The following LRRC49 variants were observed in gnomAD, a reference collection of about 807,000 sequenced individuals.
The protein encoded by LRRC49 is leucine rich repeat containing 49, also known as leucine-rich repeat-containing protein 49.
Under a neutral mutation model 83.3 loss-of-function variants are expected in LRRC49, and 50 were observed. The ratio of observed to expected loss-of-function variants is 0.60; its 90% CI spans 0.48 to 0.76. The LOEUF (loss-of-function observed/expected upper bound fraction) is 0.76. Ranked by LOEUF, LRRC49 falls within the 30% of genes least tolerant of loss-of-function variation. LRRC49 has a pLI of 0.00. For missense variants in LRRC49, 704 were observed against 809.1 expected, an observed-to-expected ratio of 0.87 and a Z score of 1.58; for synonymous variants, 286 against 283.3, an observed-to-expected ratio of 1.01 and a Z score of -0.10.
intron 8 of LRRC49, among the ~76,000 whole-genome samples, chr15:70,949,889 G>C (rs1478907155): frequency 5.3e-5 from 8 of 152,074 alleles, no homozygotes; most frequent in Admixed American, 1.3e-4. Context: ...CTGAGGCTTG[G>C]TATATGAATG....
At position 71,022,582 on chromosome 15, in the gene LRRC49, A is replaced by C. The variant is rs1235342139; in HGVS notation, c.1703+9669A>C. 6.6e-5 allele frequency among the ~76,000 whole-genome samples: 10 copies of C among 152,348 alleles called. 1 individual carries two copies. In the East Asian group the frequency reaches 1.9e-3, roughly 29 times the overall value. On this transcript the variant is annotated intron_variant, in intron 14 of 15. Transcript: ENST00000260382. ...CTCAATAGACTTGAAAGTTGAAAGT[A>C]ATACTAGAAATAAAAAGGATCATTT...
intron 1 of LRRC49, chr15:70,853,963 GC>G: frequency 6.9e-7 from 1 of 1,455,602 alleles, no homozygotes; most frequent in Non-Finnish European, 9.1e-7. Context: ...GGTCCCCGGC[GC>G]CCCGAGTCTC....
At chr15:70,912,664 AT>A (rs1321444804) in intron 6 of LRRC49, among the ~76,000 whole-genome samples, 2 of 150,652 alleles carry the variant, frequency 1.3e-5, no homozygotes, top group African/African-American at 4.9e-5. Context: ...TTCTATATTT[AT>A]TTTATTTATT....
At chr15:70,900,393 A>C in intron 3 of LRRC49, 1 of 448,468 alleles carries the variant, frequency 2.2e-6, no homozygotes, top group South Asian at 1.6e-5. Context: ...CGAGGTTTAC[A>C]TCTGCTATCC....
chr15:70,882,440 T>C (rs1267004103), intron 2 of LRRC49: 1 of 1,579,774 alleles, frequency 6.3e-7, no homozygotes, highest in African/African-American at 1.3e-5. Flanking sequence ...ATCAGAGCAT[T>C]TGATGTTGAG....
Position 71,049,909 on chromosome 15 carries a change from A to G in LRRC49, c.*297A>G, listed in dbSNP as rs1312282586. The G allele has an allele frequency of 3.9e-6, 1 of 254,416 alleles. No individual in the cohort carries two copies. Among genetic ancestry groups the G allele is most frequent in the Non-Finnish European group, 7.4e-6 (1 of 135,150 alleles). The allele number at this position is 254,416 out of a possible 1,614,324, so 15.8% of individuals were successfully genotyped here. A position where few individuals can be genotyped will look rare whatever the true frequency, so the allele number is the denominator to read the frequency against. On this transcript the variant is annotated 3_prime_UTR_variant, in exon 16 of 16. Transcript: ENST00000260382. ...CTTGCTTTGATTGGTGCCCTGCTATAGCCCAAAGCACGTAGTATTTGCTGA... is the reference window on the plus strand; with the variant it reads ...CTTGCTTTGATTGGTGCCCTGCTATGGCCCAAAGCACGTAGTATTTGCTGA...
upstream of LRRC49, among the ~76,000 whole-genome samples, chr15:70,888,666 A>G (rs2033472582): frequency 6.6e-6 from 1 of 152,180 alleles, no homozygotes; most frequent in Non-Finnish European, 1.5e-5. Flanking sequence ...AGACATTATT[A>G]AGAACCAAGA....
intron 11 of LRRC49, among the ~76,000 whole-genome samples, chr15:70,986,255 C>T (rs888951436): frequency 6.6e-6 from 1 of 152,072 alleles, no homozygotes; most frequent in African/African-American, 2.4e-5. Flanking sequence ...ATTGATTCTT[C>T]CTACCCATGA....
chr15:70,946,567 G>A lies in LRRC49; in HGVS notation c.773+9745G>A, dbSNP rs536911771. On this transcript the variant is annotated intron_variant, in intron 8 of 15. Transcript: ENST00000260382. ...GCAATGAACATGGGAGTACAGATACGTTTTCAACATACTAATTTTATTTCC... is the reference window on the plus strand; with the variant it reads ...GCAATGAACATGGGAGTACAGATACATTTTCAACATACTAATTTTATTTCC... 3.9e-5 allele frequency among the ~76,000 whole-genome samples: 6 copies of A among 152,186 alleles called. No individual in the cohort carries two copies. The East Asian group carries it at 5.8e-4, about 15-fold the overall frequency.
At chr15:70,964,574 T>G (rs2165463) in intron 9 of LRRC49, among the ~76,000 whole-genome samples, 2,048 of 152,254 alleles carry the variant, frequency 0.013, 19 homozygotes, top group Non-Finnish European at 0.02. Context: ...CACTTAGATG[T>G]TTTAATATGG....
At chr15:70,972,550 G>GT (rs2037047535) in intron 9 of LRRC49, among the ~76,000 whole-genome samples, 2 of 152,170 alleles carry the variant, frequency 1.3e-5, no homozygotes, top group Non-Finnish European at 2.9e-5. Flanking sequence ...GGTTGGGGAA[G>GT]TTCTCCTGGA....
At chr15:70,891,736 G>A, upstream of LRRC49, 2 of 1,056,724 alleles carry the variant, frequency 1.9e-6, no homozygotes, top group Non-Finnish European at 2.7e-6. Context: ...TTGCAGATTA[G>A]AAAACAGGAA....
At chr15:70,960,544 C>A (rs747173561) in intron 8 of LRRC49, among the ~76,000 whole-genome samples, 10 of 152,080 alleles carry the variant, frequency 6.6e-5, no homozygotes, top group Admixed American at 1.3e-4. Flanking sequence ...CCTTATAAAA[C>A]TACAGTAATC....
intron 15 of LRRC49, among the ~76,000 whole-genome samples, chr15:71,042,480 C>T (rs1042772001): frequency 3.9e-5 from 6 of 152,146 alleles, no homozygotes; most frequent in Admixed American, 2.0e-4. Context: ...TGGATTTGAG[C>T]CCCTGATTCT....
At chr15:70,854,231 C>T (rs1189041420) in intron 1 of LRRC49, 4 of 406,364 alleles carry the variant, frequency 9.8e-6, no homozygotes, top group Non-Finnish European at 3.4e-6. Flanking sequence ...CGCGGCGCCC[C>T]GCCCCGCGCC....
chr15:70,930,442 C>G (rs1436387451), intron 7 of LRRC49, among the ~76,000 whole-genome samples: 1 of 152,204 alleles, frequency 6.6e-6, no homozygotes, highest in Non-Finnish European at 1.5e-5. Context: ...TTATAGAGCA[C>G]AGGCACAGTA....
intron 3 of LRRC49, among the ~76,000 whole-genome samples, chr15:70,897,525 C>T (rs1046895381): frequency 2.0e-5 from 3 of 152,114 alleles, no homozygotes; most frequent in Non-Finnish European, 4.4e-5. Flanking sequence ...GACTTTTGTA[C>T]TCAAATTTTA....
In LRRC49 at chr15:70,895,830, C is replaced by T. The variant is rs1424722396; in HGVS notation, c.106-19C>T. On this transcript the variant is annotated intron_variant, in intron 2 of 15. Transcript: ENST00000260382. Reference sequence around the variant, plus strand: ...TAAATTTGTCTCCAAATATTTTTTTCTTTAATAATGTTTTTCAGGTTGAAT... The same window carrying T: ...TAAATTTGTCTCCAAATATTTTTTTTTTTAATAATGTTTTTCAGGTTGAAT... The T allele has an allele frequency of 1.3e-6, 2 of 1,527,248 alleles. No individual in the cohort carries two copies. The highest frequency in any genetic ancestry group is 1.8e-6 in the Non-Finnish European group (2 of 1,117,402). The allele number at this position is 1,527,248 out of a possible 1,614,324, so 94.6% of individuals were successfully genotyped here. A position where few individuals can be genotyped will look rare whatever the true frequency, so the allele number is the denominator to read the frequency against.
chr15:70,870,665 T>C (rs2033007676), intron 1 of LRRC49, among the ~76,000 whole-genome samples: 1 of 152,164 alleles, frequency 6.6e-6, no homozygotes. Context: ...TAATTTTGTA[T>C]TTTTAGTAGA....
Sources: allele counts gnomAD v4.1 joint callset (sites outside exome capture counted in the v4.1 genomes callset), GRCh38; gene constraint gnomAD v4.1.1; transcripts MANE v1.5; gene names NCBI Gene and HGNC (gene_info 2026-07-23, HGNC 2026-07-21).